KIAA1614: variants seen among roughly 807,000 people sequenced by gnomAD.
KIAA1614 encodes KIAA1614, also known as uncharacterized protein KIAA1614.
KIAA1614 carries 76 observed loss-of-function variants against 88.7 expected under a neutral mutation model. The observed-to-expected ratio is 0.86, with a 90% CI of 0.71 to 1.04. The LOEUF (loss-of-function observed/expected upper bound fraction) is 1.04, where lower values mean the gene tolerates loss of function less well. Among genes scored for constraint, KIAA1614 ranks in the 50% least tolerant of loss-of-function variants. The probability of loss-of-function intolerance (pLI) is 0.00; values close to 1 mark genes in which losing one functional copy is unlikely to be tolerated. For missense variants in KIAA1614, 1,553 were observed against 1,582.5 expected, an observed-to-expected ratio of 0.98 and a Z score of 0.32; for synonymous variants, 714 against 675.5, an observed-to-expected ratio of 1.06 and a Z score of -0.88.
rs958401451 is a variant in KIAA1614, at chr1:180,913,297, A to C, written c.50+4A>C. On this transcript the variant is annotated splice_donor_region_variant and intron_variant, in intron 1 of 8. Coordinates refer to ENST00000367588, the MANE Select transcript of KIAA1614 (RefSeq NM_020950.2). Reference sequence around the variant, plus strand: ...AACCCGCGGGCGGCAGCCCCCAGTGAGTATAGAGGAGGCAGCGCCGGGCCG... The same window carrying C: ...AACCCGCGGGCGGCAGCCCCCAGTGCGTATAGAGGAGGCAGCGCCGGGCCG... The C allele has an allele frequency of 8.0e-7, 1 of 1,246,948 alleles. No individual in the cohort carries two copies. The highest frequency in any genetic ancestry group is 1.6e-5 in the African/African-American group (1 of 64,110). The allele number at this position is 1,246,948 out of a possible 1,614,324, so 77.2% of individuals were successfully genotyped here. A position where few individuals can be genotyped will look rare whatever the true frequency, so the allele number is the denominator to read the frequency against.
intron 3 of KIAA1614, among the ~76,000 whole-genome samples, chr1:180,920,190 A>C (rs1467670419): frequency 6.6e-6 from 1 of 152,150 alleles, no homozygotes; most frequent in Non-Finnish European, 1.5e-5. Flanking sequence ...TCTCCTGGGC[A>C]GACATTAAAG....
At chr1:180,932,815 C>T (rs1654228352) in intron 4 of KIAA1614, among the ~76,000 whole-genome samples, 2 of 151,872 alleles carry the variant, frequency 1.3e-5, no homozygotes, top group Non-Finnish European at 2.9e-5. Flanking sequence ...TCTTGGCTCA[C>T]CACAACCTCT....
rs1001554291 is a variant in KIAA1614, at chr1:180,916,404, G to A, written c.301G>A (p.Val101Met). ...KEKMTVAKQG[V>M]SPCSASQEWS... is the part of the protein sequence containing the mutation. ...GAAGATGACAGTGGCCAAACAGGGA[G>A]TGAGTCCCTGCTCTGCTTCCCAAGA... Residue 101 changes from valine to methionine, a missense_variant, in exon 2 of 9, where the codon GTG (valine) becomes ATG (methionine). By Grantham distance (21) the Val-to-Met change is conservative. Transcript: ENST00000367588. The A allele has an allele frequency of 2.5e-6, 4 of 1,614,098 alleles. No individual in the cohort carries two copies. Among genetic ancestry groups the A allele is most frequent in the Non-Finnish European group, 3.4e-6 (4 of 1,180,034 alleles).
At position 180,935,524 on chromosome 1, in the gene KIAA1614, T is replaced by A; in HGVS notation, c.1615T>A (p.Cys539Ser). 2 of 1,554,770 alleles carry A rather than the reference T, an allele frequency of 1.3e-6. No individual in the cohort carries two copies. The highest frequency in any genetic ancestry group is 1.7e-6 in the Non-Finnish European group (2 of 1,153,704). Residue 539 changes from cysteine (C) to serine (S), a missense_variant, in exon 5 of 9, where the codon TGC becomes AGC. Coordinates refer to ENST00000367588, the MANE Select transcript of KIAA1614 (RefSeq NM_020950.2). The surrounding 1 kb of genome is among the most constrained non-coding windows in gnomAD (Gnocchi z 6.1). ...APGSERRCQA[C>S]GSCIDDPRPA... Reference sequence around the variant, plus strand: ...GGGCAGCGAGAGGAGGTGCCAGGCCTGCGGCAGCTGCATCGACGACCCGCG... The same window carrying A: ...GGGCAGCGAGAGGAGGTGCCAGGCCAGCGGCAGCTGCATCGACGACCCGCG...
Position 180,922,041 on chromosome 1 carries a change from C to T in KIAA1614, c.1061+4127C>T, listed in dbSNP as rs534870197. On this transcript the variant is annotated intron_variant, in intron 3 of 8. Coordinates refer to ENST00000367588, the MANE Select transcript of KIAA1614 (RefSeq NM_020950.2). ...TCCAGACCCCACACCAAATCCACTT[C>T]GGAGGCTCAGGAGCCCGCGCCAGGG... Among the ~76,000 whole-genome samples the T allele has an allele frequency of 2.2e-3, 341 of 152,376 alleles. 2 individuals carry two copies. Among genetic ancestry groups the T allele is most frequent in the African/African-American group, 8.1e-3 (335 of 41,600 alleles).
chr1:180,937,951 G>A (rs928851327), intron 5 of KIAA1614, among the ~76,000 whole-genome samples: 2 of 152,200 alleles, frequency 1.3e-5, no homozygotes, highest in Non-Finnish European at 2.9e-5. Flanking sequence ...AGCAGAGCGA[G>A]TGAGGCCCTC....
chr1:180,928,340 C>T, intron 3 of KIAA1614, 90 bp from the exon 4 acceptor site: 1 of 1,346,178 alleles, frequency 7.4e-7, no homozygotes, highest in Non-Finnish European at 9.8e-7. Context: ...TCTGGCACAG[C>T]CAGTGCTTGA....
chr1:180,942,343 G>T (rs1654487595), intron 7 of KIAA1614, among the ~76,000 whole-genome samples: 1 of 152,296 alleles, frequency 6.6e-6, no homozygotes, highest in East Asian at 1.9e-4. Context: ...AGCACCCCTC[G>T]GACACCCCTT....
At chr1:180,917,694 G>A (rs1291649596) in intron 2 of KIAA1614, among the ~76,000 whole-genome samples, 157 bp from the exon 3 acceptor site, 3 of 152,170 alleles carry the variant, frequency 2.0e-5, no homozygotes, top group South Asian at 2.1e-4. Flanking sequence ...AGCAGTCATC[G>A]TGACAGGCTC....
Position 180,941,135 on chromosome 1 carries a change from C to G in KIAA1614, c.3009C>G (p.Thr1003=), listed in dbSNP as rs1654451851. The change falls in exon 7 of 9, where the codon ACC becomes ACG. Residue 1003 remains threonine, a synonymous_variant. Transcript: ENST00000367588. ...AAAGGAGCAGCAGCATAGCCTCCAC[C>G]CTGGGGCTGAAAAAGCTCTTCTCAG... ...NKKRSSSIAS[T]LGLKKLFSAL... is the part of the protein sequence containing the mutation. The G allele has an allele frequency of 6.2e-7, 1 of 1,613,464 alleles. No individual in the cohort carries two copies. The highest frequency in any genetic ancestry group is 1.7e-5 in the Admixed American group (1 of 59,980).
chr1:180,913,279 G>T lies in KIAA1614; in HGVS notation c.36G>T (p.Ala12=). 1 of 1,258,694 alleles carries T rather than the reference G, an allele frequency of 7.9e-7. No individual in the cohort carries two copies. The allele number at this position is 1,258,694 out of a possible 1,614,324, so 78.0% of individuals were successfully genotyped here. Residue 12 remains alanine (A), a synonymous_variant, in exon 1 of 9, where the codon GCG becomes GCT. Coordinates refer to ENST00000367588, the MANE Select transcript of KIAA1614 (RefSeq NM_020950.2). Reference sequence around the variant, plus strand: ...CAGAGGCGGCGGCGGCCAAACCCGCGGGCGGCAGCCCCCAGTGAGTATAGA... The same window carrying T: ...CAGAGGCGGCGGCGGCCAAACCCGCTGGCGGCAGCCCCCAGTGAGTATAGA... ...EGTEAAAAKP[A]GGSPQGPKTG...
chr1:180,916,990 G>A lies in KIAA1614; in HGVS notation c.887G>A (p.Arg296Gln), dbSNP rs201745892. ...AGSSVLSLSD[R>Q]VERNRLLLQE... is the part of the protein sequence containing the mutation. ...AGCAGTGTCTTGTCCCTGTCTGATC[G>A]GGTGGAGAGAAACCGCCTGTTGCTG... Residue 296 changes from arginine to glutamine, a missense_variant, in exon 2 of 9, where the codon CGG becomes CAG. Physicochemically the swap from Arg to Gln is conservative, Grantham distance 43. Transcript: ENST00000367588. The A allele has an allele frequency of 3.2e-4, 520 of 1,614,088 alleles. 2 individuals are homozygous for A. In the South Asian group the frequency reaches 3.7e-3, roughly 12 times the overall value.
In KIAA1614 at chr1:180,935,596, C is replaced by G. The variant is rs1312565417; in HGVS notation, c.1687C>G (p.Leu563Val). The change falls in exon 5 of 9, where the codon CTC becomes GTC. Residue 563 changes from leucine (L) to valine (V), a missense_variant. Leu to Val is a conservative substitution (Grantham distance 32). Coordinates refer to ENST00000367588, the MANE Select transcript of KIAA1614 (RefSeq NM_020950.2). The surrounding 1 kb of genome is among the most constrained non-coding windows in gnomAD (Gnocchi z 6.1). ...APPVPRTLQE[L>V]QAACGMERVL... Reference sequence around the variant, plus strand: ...CCCCGTCCCCAGGACCCTCCAGGAGCTCCAGGCTGCCTGTGGGATGGAGAG... The same window carrying G: ...CCCCGTCCCCAGGACCCTCCAGGAGGTCCAGGCTGCCTGTGGGATGGAGAG... 1.9e-6 allele frequency: 3 copies of G among 1,610,626 alleles called. No homozygotes were observed. The highest frequency in any genetic ancestry group is 2.5e-6 in the Non-Finnish European group (3 of 1,178,756).
rs1356303698 is a variant in KIAA1614, at chr1:180,916,457, C to T, written c.354C>T (p.Cys118=). The part of the protein sequence containing the change: ...QEWSSPKKPQ[C]RRGKAGRAGT... Reference sequence around the variant, plus strand: ...GGTCATCCCCCAAGAAACCCCAATGCAGACGAGGCAAGGCAGGGAGAGCCG... The same window carrying T: ...GGTCATCCCCCAAGAAACCCCAATGTAGACGAGGCAAGGCAGGGAGAGCCG... Residue 118 remains cysteine, a synonymous_variant, in exon 2 of 9, where the codon TGC becomes TGT. Coordinates refer to ENST00000367588, the MANE Select transcript of KIAA1614 (RefSeq NM_020950.2). The T allele has an allele frequency of 4.3e-6, 7 of 1,614,096 alleles. No homozygotes were observed. The African/African-American group carries it at 8.0e-5, about 18-fold the overall frequency.
chr1:180,945,290 G>A lies in KIAA1614; in HGVS notation c.3288-13G>A, dbSNP rs1380212563. 4 of 1,575,584 alleles carry A rather than the reference G, an allele frequency of 2.5e-6. No individual in the cohort carries two copies. Among genetic ancestry groups the A allele is most frequent in the South Asian group, 2.3e-5 (2 of 85,186 alleles). ...TGCTTTTTGCCCTCACTGTGTCTCT[G>A]GTTCCCTCGCAGGCCGGCCAAGACT... On this transcript the variant is annotated splice_polypyrimidine_tract_variant and intron_variant, in intron 8 of 8. Transcript: ENST00000367588.
Position 180,936,799 on chromosome 1 carries a change from G to A in KIAA1614, c.2761+129G>A, listed in dbSNP as rs576504093. On this transcript the variant is annotated intron_variant, in intron 5 of 8. Coordinates refer to ENST00000367588, the MANE Select transcript of KIAA1614 (RefSeq NM_020950.2). The stretch of plus-strand genomic sequence containing the variant: ...TTTATCTCAATAGTCAGATGGCAGC[G>A]TCACATACCACCTCGGCAGCTCCTT... 195 of 621,120 alleles carry A rather than the reference G, an allele frequency of 3.1e-4. 6 individuals carry two copies. In the South Asian group the frequency reaches 4.7e-3, roughly 15 times the overall value. 38.5% of individuals were successfully genotyped at this position (621,120 alleles called of 1,614,324 possible). A position where few individuals can be genotyped will look rare whatever the true frequency, so the allele number is the denominator to read the frequency against.
intron 1 of KIAA1614, among the ~76,000 whole-genome samples, 172 bp from the exon 2 acceptor site, chr1:180,915,982 C>T (rs147077155): frequency 3.9e-5 from 6 of 152,172 alleles, no homozygotes; most frequent in African/African-American, 1.2e-4. Context: ...GAAACCAGTC[C>T]CTCTGGTGCC....
At chr1:180,925,200 T>G (rs1470900008) in intron 3 of KIAA1614, among the ~76,000 whole-genome samples, 1 of 152,208 alleles carries the variant, frequency 6.6e-6, no homozygotes, top group East Asian at 1.9e-4. Flanking sequence ...CATGACAGTC[T>G]GAGACTAGGT....
Position 180,938,816 on chromosome 1 carries a change from C to T in KIAA1614, c.2918+105C>T, listed in dbSNP as rs1399618676. 10 of 1,045,862 alleles carry T rather than the reference C, an allele frequency of 9.6e-6. No homozygotes were observed. The East Asian group carries it at 1.3e-4, about 13-fold the overall frequency. 64.8% of individuals were successfully genotyped at this position (1,045,862 alleles called of 1,614,324 possible). A position where few individuals can be genotyped will look rare whatever the true frequency, so the allele number is the denominator to read the frequency against. ...TGGTGGCATGACCCACCTCCCTGCCCCTAGTCTTCAGAGGATCCCTAGACT... is the reference window on the plus strand; with the variant it reads ...TGGTGGCATGACCCACCTCCCTGCCTCTAGTCTTCAGAGGATCCCTAGACT... On this transcript the variant is annotated intron_variant, in intron 6 of 8. Coordinates refer to ENST00000367588, the MANE Select transcript of KIAA1614 (RefSeq NM_020950.2).
Sources: allele counts gnomAD v4.1 joint callset (sites outside exome capture counted in the v4.1 genomes callset), GRCh38; gene constraint gnomAD v4.1.1; non-coding constraint Gnocchi (gnomAD v3.1); transcripts MANE v1.5; gene names NCBI Gene and HGNC (gene_info 2026-07-23, HGNC 2026-07-21).